Variants in TNIK observed in about 807,000 individuals in gnomAD.
The protein encoded by TNIK is TRAF2 and NCK interacting kinase.
TNIK carries 49 observed loss-of-function variants against 191.3 expected under a neutral mutation model. The observed-to-expected ratio is 0.26, with a 90% confidence interval of 0.20 to 0.32. TNIK has a LOEUF of 0.32. TNIK is among the 10% of genes least tolerant of loss of function. TNIK has a pLI of 1.00. For missense variants in TNIK, 1,155 were observed against 1,702.3 expected (o/e 0.68, Z 5.66); for synonymous variants, 594 against 600.9 (o/e 0.99, Z 0.17).
At chr3:171,355,798 A>T (rs1442318085) in intron 2 of TNIK, among the ~76,000 whole-genome samples, 3 of 152,184 alleles carry the variant, frequency 2.0e-5, no homozygotes, top group Non-Finnish European at 4.4e-5. Flanking sequence ...TATCCAAGAG[A>T]TTACATCTCG....
At chr3:171,104,217 G>A (rs1399447918) in intron 21 of TNIK, among the ~76,000 whole-genome samples, 2 of 152,104 alleles carry the variant, frequency 1.3e-5, no homozygotes, top group Admixed American at 1.3e-4. Context: ...GTGTTTAGCT[G>A]AAGTTTTGTT....
chr3:171,112,145 A>G (rs1725943779), intron 18 of TNIK, among the ~76,000 whole-genome samples: 1 of 152,250 alleles, frequency 6.6e-6, no homozygotes, highest in African/African-American at 2.4e-5. Flanking sequence ...CAGTGTATAC[A>G]TATATCAAAA....
chr3:171,438,627 G>A (rs954078524), intron 1 of TNIK, among the ~76,000 whole-genome samples: 4 of 152,222 alleles, frequency 2.6e-5, no homozygotes, highest in African/African-American at 9.6e-5. Context: ...AAACAGAGAT[G>A]CAGGTGATAA....
At chr3:171,196,903 C>T (rs1240932324) in intron 4 of TNIK, among the ~76,000 whole-genome samples, 6 of 147,438 alleles carry the variant, frequency 4.1e-5, no homozygotes, top group South Asian at 2.3e-4. Context: ...TACAGGCACC[C>T]GCCATCACGC....
chr3:171,289,392 G>A (rs565871202), intron 2 of TNIK, among the ~76,000 whole-genome samples: 6 of 152,280 alleles, frequency 3.9e-5, no homozygotes, highest in Non-Finnish European at 8.8e-5. Flanking sequence ...CATCTTTCCA[G>A]TTAAAAATGT....
chr3:171,249,783 G>T (rs1746027823), intron 2 of TNIK, among the ~76,000 whole-genome samples: 1 of 152,072 alleles, frequency 6.6e-6, no homozygotes, highest in African/African-American at 2.4e-5. Context: ...GAGGCAAGTA[G>T]CGTCTTTCCC....
At chr3:171,274,420 A>G (rs1749473907) in intron 2 of TNIK, among the ~76,000 whole-genome samples, 1 of 152,228 alleles carries the variant, frequency 6.6e-6, no homozygotes, top group Admixed American at 6.5e-5. Flanking sequence ...GAAGCAACTC[A>G]TAGCTACTGG....
intron 3 of TNIK, among the ~76,000 whole-genome samples, chr3:171,218,968 T>C (rs915823088): frequency 4.6e-5 from 6 of 129,678 alleles, no homozygotes; most frequent in African/African-American, 1.8e-4. Context: ...ATTAAATATT[T>C]ATATTTATAT....
intron 2 of TNIK, among the ~76,000 whole-genome samples, chr3:171,337,389 A>C (rs926269914): frequency 1.3e-5 from 2 of 152,268 alleles, no homozygotes; most frequent in African/African-American, 4.8e-5. Flanking sequence ...AAGACCTCAG[A>C]TAAGCAAAGA....
chr3:171,078,037 C>G (rs950814962), intron 28 of TNIK, among the ~76,000 whole-genome samples: 9 of 152,258 alleles, frequency 5.9e-5, no homozygotes, highest in East Asian at 1.9e-4. Context: ...CACACTTATT[C>G]TGGGTCTATT....
chr3:171,309,907 C>G (rs1414401923), intron 2 of TNIK, among the ~76,000 whole-genome samples: 1 of 152,110 alleles, frequency 6.6e-6, no homozygotes, highest in Non-Finnish European at 1.5e-5. Flanking sequence ...TAGTTGTCCT[C>G]TTGGGGAGAA....
rs1293409529 is a variant in TNIK, at chr3:171,084,330, G to A, written c.2999-5C>T. 2 of 1,606,878 alleles carry A rather than the reference G, an allele frequency of 1.2e-6. No homozygotes were observed. The highest frequency in any genetic ancestry group is 3.4e-5 in the Admixed American group (2 of 59,632). The stretch of plus-strand genomic sequence containing the variant: ...GAAGTTCGCTAGTAAACAGAGCTTT[G>A]AGAAAAAGAATCAGAGAAGTCAGTG... On this transcript the variant is annotated splice_region_variant and splice_polypyrimidine_tract_variant and intron_variant, in intron 25 of 32. Coordinates refer to ENST00000436636, the MANE Select transcript of TNIK (RefSeq NM_015028.4).
chr3:171,218,918 TA>T (rs1027149745), intron 3 of TNIK, among the ~76,000 whole-genome samples: 4 of 134,920 alleles, frequency 3.0e-5, no homozygotes, highest in South Asian at 2.2e-4. Context: ...ATTAAATATA[TA>T]TTTTTATATG....
chr3:171,320,016 T>A (rs1755014593), intron 2 of TNIK, among the ~76,000 whole-genome samples: 1 of 152,088 alleles, frequency 6.6e-6, no homozygotes, highest in South Asian at 2.1e-4. Flanking sequence ...GAGGAGAGTT[T>A]AATCTGTGGC....
chr3:171,203,165 TA>T (rs980670247), intron 4 of TNIK, among the ~76,000 whole-genome samples: 2 of 152,286 alleles, frequency 1.3e-5, no homozygotes, highest in Non-Finnish European at 2.9e-5. Flanking sequence ...ATTTAAATGT[TA>T]AAACAATCAA....
intron 18 of TNIK, among the ~76,000 whole-genome samples, chr3:171,112,948 T>C (rs1290196347): frequency 6.6e-6 from 1 of 152,166 alleles, no homozygotes; most frequent in Non-Finnish European, 1.5e-5. Flanking sequence ...GAGATTAGAA[T>C]TCTTGGGTGA....
chr3:171,328,877 C>T (rs1450576166), intron 2 of TNIK, among the ~76,000 whole-genome samples: 1 of 152,184 alleles, frequency 6.6e-6, no homozygotes, highest in Admixed American at 6.5e-5. Context: ...CAGGAAGTCA[C>T]TAAGGAAACA....
chr3:171,322,417 C>G (rs968483465), intron 2 of TNIK, among the ~76,000 whole-genome samples: 1 of 152,112 alleles, frequency 6.6e-6, no homozygotes, highest in African/African-American at 2.4e-5. Flanking sequence ...AAAAATGACA[C>G]TCCCAATTTT....
At chr3:171,180,377 C>T (rs1296523389) in intron 7 of TNIK, among the ~76,000 whole-genome samples, 6 of 152,136 alleles carry the variant, frequency 3.9e-5, no homozygotes. Flanking sequence ...CTAACCACCT[C>T]TAACATACGA....
Sources: gnomAD v4.1 joint callset for allele counts (sites outside exome capture counted in the v4.1 genomes callset) on GRCh38, gnomAD v4.1.1 for gene constraint, MANE v1.5 for transcripts, NCBI Gene and HGNC (gene_info 2026-07-23, HGNC 2026-07-21) for gene names.